NCOA1: variants seen among roughly 807,000 people sequenced by gnomAD.
NCOA1 encodes the protein nuclear receptor coactivator 1.
Under a neutral mutation model 150.9 loss-of-function variants are expected in NCOA1, and 35 were observed. The ratio of observed to expected loss-of-function variants is 0.23; its 90% CI spans 0.18 to 0.31. The LOEUF is 0.31. Among genes scored for constraint, NCOA1 ranks in the 10% least tolerant of loss-of-function variants. The pLI, the probability that NCOA1 is intolerant of heterozygous loss-of-function variation, is 1.00. For synonymous variants in NCOA1, 590 were observed against 630.0 expected (o/e 0.94, Z 0.95); for missense variants, 1,491 against 1,749.3 (o/e 0.85, Z 2.63).
intron 1 of NCOA1, among the ~76,000 whole-genome samples, chr2:24,515,517 T>A (rs1484680221): frequency 6.6e-6 from 1 of 152,228 alleles, no homozygotes; most frequent in Non-Finnish European, 1.5e-5. Flanking sequence ...GTATTACAGA[T>A]GTGAGTCACT....
chr2:24,601,807 T>C (rs891527658), intron 3 of NCOA1, among the ~76,000 whole-genome samples: 1 of 151,580 alleles, frequency 6.6e-6, no homozygotes, highest in Non-Finnish European at 1.5e-5. Flanking sequence ...TAATTTGTTT[T>C]TGTATTTTAG....
At chr2:24,631,608 A>G (rs2148433357) in intron 3 of NCOA1, among the ~76,000 whole-genome samples, 1 of 152,302 alleles carries the variant, frequency 6.6e-6, no homozygotes. Flanking sequence ...GGACTTAAGA[A>G]CAGTGATAAA....
chr2:24,543,130 CTTAG>C (rs1417958475), intron 1 of NCOA1, among the ~76,000 whole-genome samples: 3 of 152,114 alleles, frequency 2.0e-5, no homozygotes, highest in Non-Finnish European at 4.4e-5. Context: ...AGTTCAGGAG[CTTAG>C]TGCTCCATCT....
chr2:24,570,551 C>T (rs1666702948), intron 2 of NCOA1, among the ~76,000 whole-genome samples: 1 of 83,284 alleles, frequency 1.2e-5, no homozygotes, highest in Non-Finnish European at 2.9e-5. Flanking sequence ...AGTTTCTTTT[C>T]TCAGATAGAA....
chr2:24,708,866 C>G (rs1255608162), intron 13 of NCOA1, among the ~76,000 whole-genome samples: 1 of 152,190 alleles, frequency 6.6e-6, no homozygotes, highest in African/African-American at 2.4e-5. Context: ...AGCCATGTCT[C>G]TTCTAAACAT....
intron 3 of NCOA1, among the ~76,000 whole-genome samples, chr2:24,620,310 C>G (rs1669074235): frequency 6.6e-6 from 1 of 152,096 alleles, no homozygotes; most frequent in Admixed American, 6.6e-5. Flanking sequence ...TTGTTATTAA[C>G]TATTCAATAT....
At chr2:24,764,774 G>A (rs914580480) in intron 22 of NCOA1, among the ~76,000 whole-genome samples, 2 of 152,230 alleles carry the variant, frequency 1.3e-5, no homozygotes, top group Non-Finnish European at 2.9e-5. Context: ...AGAAGTGCTA[G>A]TTTAGACTTC....
At chr2:24,733,633 A>AGG (rs1406311442) in intron 17 of NCOA1, among the ~76,000 whole-genome samples, 22 of 152,196 alleles carry the variant, frequency 1.4e-4, no homozygotes, top group African/African-American at 5.3e-4. Flanking sequence ...AATCCCAGTT[A>AGG]CTGGGGAGGC....
rs554291154 is a variant in NCOA1, at chr2:24,606,351, C to T, written c.-175+21791C>T. On this transcript the variant is annotated intron_variant, in intron 3 of 22. Coordinates refer to ENST00000348332, the MANE Select transcript of NCOA1 (RefSeq NM_003743.5). ...TCTTGGGTTTGAGAGATTCTCCTGT[C>T]TCAGCCTCCCAGGTAGCTGGGATTA... Among the ~76,000 whole-genome samples, 6 of 152,236 alleles carry T rather than the reference C, an allele frequency of 3.9e-5. No individual in the cohort carries two copies. In the South Asian group the frequency reaches 1.2e-3, roughly 32 times the overall value.
At chr2:24,526,701 C>T (rs534794690) in intron 1 of NCOA1, among the ~76,000 whole-genome samples, 5 of 146,398 alleles carry the variant, frequency 3.4e-5, no homozygotes, top group Non-Finnish European at 4.5e-5. Context: ...GTGACAAGAG[C>T]GAGACCCTTT....
At chr2:24,583,219 A>G (rs1667272126) in intron 2 of NCOA1, among the ~76,000 whole-genome samples, 1 of 152,204 alleles carries the variant, frequency 6.6e-6, no homozygotes. Flanking sequence ...CAAAAAGCCA[A>G]TAATTCAGTT....
At chr2:24,575,243 G>A (rs1666906550) in intron 2 of NCOA1, among the ~76,000 whole-genome samples, 1 of 152,092 alleles carries the variant, frequency 6.6e-6, no homozygotes, top group Non-Finnish European at 1.5e-5. Context: ...TTAACTAAGT[G>A]TTAAATCTGC....
chr2:24,592,895 C>T (rs1000176343), intron 3 of NCOA1, among the ~76,000 whole-genome samples: 1 of 152,084 alleles, frequency 6.6e-6, no homozygotes, highest in Non-Finnish European at 1.5e-5. Flanking sequence ...CTACCATTCA[C>T]CTGTCCTTCA....
intron 3 of NCOA1, among the ~76,000 whole-genome samples, chr2:24,634,030 C>T (rs1189890783): frequency 6.6e-6 from 1 of 151,914 alleles, no homozygotes; most frequent in Non-Finnish European, 1.5e-5. Context: ...GATAGAACTC[C>T]AAAAGATAAT....
At chr2:24,560,240 A>T (rs986817476) in intron 1 of NCOA1, among the ~76,000 whole-genome samples, 4 of 152,064 alleles carry the variant, frequency 2.6e-5, no homozygotes, top group African/African-American at 7.2e-5. Context: ...ATTTTTTCTT[A>T]TACTGTTGTA....
chr2:24,524,430 A>G (rs1664567163), intron 1 of NCOA1, among the ~76,000 whole-genome samples: 1 of 152,056 alleles, frequency 6.6e-6, no homozygotes. Flanking sequence ...AGTAGCTGGG[A>G]CTACAGATGT....
Position 24,768,075 on chromosome 2 carries a change from G to A in NCOA1, c.4156-146G>A, listed in dbSNP as rs371913922. On this transcript the variant is annotated intron_variant, in intron 22 of 22. Coordinates refer to ENST00000348332, the MANE Select transcript of NCOA1 (RefSeq NM_003743.5). ...AAATGAGTGCAGCGATTTTCTTTTT[G>A]TAGGACAAGAAGACAGAAGAGTTCT... 9 of 1,613,478 alleles carry A rather than the reference G, an allele frequency of 5.6e-6. 1 individual carries two copies. The highest frequency in any genetic ancestry group is 3.3e-4 in the Middle Eastern group (2 of 6,048).
chr2:24,560,802 G>A (rs981852049), intron 1 of NCOA1, among the ~76,000 whole-genome samples: 1 of 152,164 alleles, frequency 6.6e-6, no homozygotes. Flanking sequence ...GGATCATAGA[G>A]TAAACTTGAG....
intron 1 of NCOA1, among the ~76,000 whole-genome samples, chr2:24,529,375 T>C (rs1664786268): frequency 1.3e-5 from 2 of 152,340 alleles, no homozygotes; most frequent in East Asian, 1.9e-4. Context: ...TTGCCCAGAC[T>C]AGAGAGTAGC....
Sources: gnomAD v4.1 joint callset for allele counts (sites outside exome capture counted in the v4.1 genomes callset) on GRCh38, gnomAD v4.1.1 for gene constraint, MANE v1.5 for transcripts, NCBI Gene and HGNC (gene_info 2026-07-23, HGNC 2026-07-21) for gene names.